PASD1: variants seen among roughly 807,000 people sequenced by gnomAD.
The protein encoded by PASD1 is circadian clock protein PASD1.
Under a neutral mutation model 58.8 loss-of-function variants are expected in PASD1, and 13 were observed. That is an observed-to-expected ratio of 0.22 (90% CI 0.14 to 0.35). The LOEUF is 0.35. Ranked by LOEUF, PASD1 falls within the 10% of genes least tolerant of loss-of-function variation. The pLI, the probability that PASD1 is intolerant of heterozygous loss-of-function variation, is 1.00. For synonymous variants in PASD1, 236 were observed against 216.7 expected, an observed-to-expected ratio of 1.09 and a Z score of -0.78; for missense variants, 734 against 568.3, an observed-to-expected ratio of 1.29 and a Z score of -2.96.
At chrX:151,641,284 T>G (rs925175735) in intron 8 of PASD1, among the ~76,000 whole-genome samples, 1 of 111,190 alleles carries the variant, frequency 9.0e-6, no homozygotes. Flanking sequence ...ATGGATAGAT[T>G]TTTAGTTGTA....
intron 8 of PASD1, among the ~76,000 whole-genome samples, chrX:151,628,797 A>G (rs907017266): frequency 9.0e-6 from 1 of 111,657 alleles, no homozygotes; most frequent in Non-Finnish European, 1.9e-5. Flanking sequence ...GGCCATTTTC[A>G]CAATATTGAT....
intron 1 of PASD1, among the ~76,000 whole-genome samples, chrX:151,570,780 G>A (rs1200046046): frequency 1.8e-5 from 2 of 112,394 alleles, no homozygotes; most frequent in East Asian, 5.6e-4. Context: ...TATGTGGTAA[G>A]CTGTCAGGAC....
At chrX:151,673,870 G>A (rs1439071963) in intron 14 of PASD1, 58 bp from the exon 15 acceptor site, 1 of 1,179,138 alleles carries the variant, frequency 8.5e-7, no homozygotes, top group Admixed American at 2.2e-5. Context: ...CCACGTGAGT[G>A]TCTCATCAGT....
At chrX:151,563,974 G>A (rs896015024) in intron 1 of PASD1, 135 bp downstream of exon 1, 2 of 112,519 alleles carry the variant, frequency 1.8e-5, no homozygotes, top group Non-Finnish European at 3.8e-5. Flanking sequence ...CAGGACCCTC[G>A]TTTTCCTGGT....
chrX:151,591,371 G>A (rs79634878), intron 1 of PASD1, among the ~76,000 whole-genome samples: 25,372 of 110,475 alleles, frequency 0.23, 2,780 homozygotes, highest in Non-Finnish European at 0.34. Context: ...ATTAAAAATG[G>A]ATGAGAACAA....
Position 151,653,871 on chromosome X carries a change from T to TTTCTTTCTTTC in PASD1, c.717+5172_717+5182dup, listed in dbSNP as rs1569413895. 3.4e-3 allele frequency among the ~76,000 whole-genome samples: 32 copies of TTTCTTTCTTTC among 9,347 alleles called. 2 individuals carry two copies. The highest frequency in any genetic ancestry group is 0.011 in the African/African-American group (31 of 2,760). 8.1% of individuals were successfully genotyped at this position (9,347 alleles called of 115,157 possible). A position where few individuals can be genotyped will look rare whatever the true frequency, so the allele number is the denominator to read the frequency against. On this transcript the variant is annotated intron_variant, in intron 9 of 15. Transcript: ENST00000370357. ...CCCTCCCTCCCTCCCTCCCTCCCTC[T>TTTCTTTCTTTC]TTCTTTCTTTCTTTCTTTCTTTCTT... is the stretch of plus-strand genomic sequence containing the variant.
chrX:151,607,434 A>G (rs779643748), intron 3 of PASD1, among the ~76,000 whole-genome samples: 24 of 111,689 alleles, frequency 2.1e-4, no homozygotes, highest in Non-Finnish European at 3.9e-4. Flanking sequence ...CAAAATTTAT[A>G]TGCTAAGGTT....
In PASD1 at chrX:151,621,544, G is replaced by A; in HGVS notation, c.370G>A (p.Ala124Thr). 4.1e-6 allele frequency: 5 copies of A among 1,206,509 alleles called. No individual in the cohort carries two copies. Among genetic ancestry groups the A allele is most frequent in the East Asian group, 5.9e-5 (2 of 33,657 alleles). Reference sequence around the variant, plus strand: ...AAATGTCGAACATGGTGATAGTTCTGCTTACGAAAACGTGAAATTTATTGT... The same window carrying A: ...AAATGTCGAACATGGTGATAGTTCTACTTACGAAAACGTGAAATTTATTGT... ...RGNVEHGDSS[A>T]YENVKFIVNV... The change falls in exon 6 of 16, where the codon GCT becomes ACT. Residue 124 changes from alanine to threonine, a missense_variant. Coordinates refer to ENST00000370357, the MANE Select transcript of PASD1 (RefSeq NM_173493.3).
In PASD1 at chrX:151,674,049, A is replaced by G. The variant is rs2014512788; in HGVS notation, c.2038A>G (p.Ile680Val). The change falls in exon 15 of 16, where the codon ATA becomes GTA. Residue 680 changes from isoleucine to valine, a missense_variant. Ile to Val is a conservative substitution (Grantham distance 29). Transcript: ENST00000370357. The stretch of plus-strand genomic sequence containing the variant: ...GTTTCCCATAACTTCAGACTCAACC[A>G]TAAGCACCCTGGAGACCCCACAGGA... ...PQFPITSDSTISTLETPQDYI... is the reference protein window; with the variant it reads ...PQFPITSDSTVSTLETPQDYI... 8.3e-7 allele frequency: 1 copy of G among 1,210,060 alleles called. No homozygotes were observed. The highest frequency in any genetic ancestry group is 1.7e-5 in the African/African-American group (1 of 57,181).
chrX:151,626,466 T>C (rs2013789307), intron 8 of PASD1, among the ~76,000 whole-genome samples: 1 of 111,805 alleles, frequency 8.9e-6, no homozygotes, highest in Non-Finnish European at 1.9e-5. Context: ...CTGTAAAATA[T>C]AAATTATTTA....
At chrX:151,666,523 A>G (rs1001525246) in intron 11 of PASD1, among the ~76,000 whole-genome samples, 36 of 107,166 alleles carry the variant, frequency 3.4e-4, no homozygotes, top group African/African-American at 1.2e-3. Flanking sequence ...TCCTAATGCT[A>G]TCCCTCCCCA....
chrX:151,621,642 C>T lies in PASD1; in HGVS notation c.418+50C>T, dbSNP rs375315092. 3.6e-6 allele frequency: 3 copies of T among 842,986 alleles called. No individual in the cohort carries two copies. The African/African-American group carries it at 6.2e-5, about 17-fold the overall frequency. The allele number at this position is 842,986 out of a possible 1,213,427, so 69.5% of individuals were successfully genotyped here. A position where few individuals can be genotyped will look rare whatever the true frequency, so the allele number is the denominator to read the frequency against. On this transcript the variant is annotated intron_variant, in intron 6 of 15. Coordinates refer to ENST00000370357, the MANE Select transcript of PASD1 (RefSeq NM_173493.3). ...TATATGACATTTATGAGTCATGTAGCCTCACATTACTAACATAAATGCTCT... is the reference window on the plus strand; with the variant it reads ...TATATGACATTTATGAGTCATGTAGTCTCACATTACTAACATAAATGCTCT...
intron 8 of PASD1, among the ~76,000 whole-genome samples, chrX:151,643,661 G>T (rs888400856): frequency 8.9e-6 from 1 of 111,774 alleles, no homozygotes; most frequent in Non-Finnish European, 1.9e-5. Context: ...GGCATTTCTG[G>T]CTGGGATTAA....
At position 151,604,649 on chromosome X, in the gene PASD1, A is replaced by G. The variant is rs771895559; in HGVS notation, c.32A>G (p.Lys11Arg). 1 of 1,199,202 alleles carries G rather than the reference A, an allele frequency of 8.3e-7. No individual in the cohort carries two copies. Among genetic ancestry groups the G allele is most frequent in the East Asian group, 3.0e-5 (1 of 33,786 alleles). Residue 11 changes from lysine (K) to arginine (R), a missense_variant, in exon 3 of 16, where the codon AAA becomes AGA. By Grantham distance (26) the Lys-to-Arg change is conservative. Coordinates refer to ENST00000370357, the MANE Select transcript of PASD1 (RefSeq NM_173493.3). MKMRGEKRRD[K>R]VNPKSSQRKL... is the part of the protein sequence containing the mutation. ...CTTTCTTCCTTTTTCTAAAAAGACA[A>G]AGTCAATCCAAAAAGCTCTCAAAGG... is the stretch of plus-strand genomic sequence containing the variant.
chrX:151,576,659 TAAG>T (rs772099573), intron 1 of PASD1, among the ~76,000 whole-genome samples: 23 of 112,048 alleles, frequency 2.1e-4, no homozygotes, highest in Middle Eastern at 9.2e-3. Flanking sequence ...TGTAGATCAA[TAAG>T]AAGTGTGTGT....
chrX:151,595,545 C>T (rs1248259814), intron 1 of PASD1, among the ~76,000 whole-genome samples: 2 of 107,540 alleles, frequency 1.9e-5, no homozygotes, highest in Admixed American at 2.0e-4. Flanking sequence ...GGTGAAACCC[C>T]GTCTCTACTA....
At chrX:151,610,540 TTATTA>T (rs1186060764) in intron 3 of PASD1, among the ~76,000 whole-genome samples, 3 of 111,977 alleles carry the variant, frequency 2.7e-5, no homozygotes, top group Non-Finnish European at 3.8e-5. Context: ...ATTCTTTATT[TTATTA>T]TGTCTGTTGC....
intron 1 of PASD1, among the ~76,000 whole-genome samples, chrX:151,600,091 C>T (rs967609943): frequency 8.9e-5 from 10 of 112,237 alleles, no homozygotes; most frequent in Admixed American, 2.8e-4. Context: ...GGCGAAACCC[C>T]GTCTCCACCA....
chrX:151,649,555 A>G (rs2124296777), intron 9 of PASD1, among the ~76,000 whole-genome samples: 1 of 111,699 alleles, frequency 9.0e-6, no homozygotes, highest in East Asian at 2.8e-4. Flanking sequence ...TCTTATCGGG[A>G]TATTTATTTT....
Sources: gnomAD v4.1 joint callset for allele counts (sites outside exome capture counted in the v4.1 genomes callset) on GRCh38, gnomAD v4.1.1 for gene constraint, MANE v1.5 for transcripts, NCBI Gene and HGNC (gene_info 2026-07-23, HGNC 2026-07-21) for gene names.